Variants in PDE8B observed in about 807,000 individuals in gnomAD.
PDE8B encodes the protein phosphodiesterase 8B.
In PDE8B, 26 loss-of-function variants were observed where a neutral mutation model predicts 101.3. That is an observed-to-expected ratio of 0.26 (90% CI 0.19 to 0.36). The LOEUF (loss-of-function observed/expected upper bound fraction) is 0.36. Ranked by LOEUF, PDE8B falls within the 10% of genes least tolerant of loss-of-function variation. The pLI, the probability that PDE8B is intolerant of heterozygous loss-of-function variation, is 1.00. For missense variants in PDE8B, 810 were observed against 1,163.1 expected (o/e 0.70, Z 4.42); for synonymous variants, 424 against 429.3 (o/e 0.99, Z 0.15).
chr5:77,213,646 G>A (rs192021423), intron 1 of PDE8B, among the ~76,000 whole-genome samples: 8 of 152,172 alleles, frequency 5.3e-5, no homozygotes, highest in African/African-American at 1.7e-4. Context: ...AAGCACACAG[G>A]TGGAAAAATA....
the PDE8B span, among the ~76,000 whole-genome samples, chr5:77,125,079 C>A: frequency 4.6e-5 from 7 of 152,190 alleles, no homozygotes; most frequent in Non-Finnish European, 8.8e-5. Context: ...GCCTCAAACT[C>A]CTGGGCTGGC....
At chr5:77,342,537 A>G (rs578170964) in intron 6 of PDE8B, among the ~76,000 whole-genome samples, 1 of 152,018 alleles carries the variant, frequency 6.6e-6, no homozygotes, top group Non-Finnish European at 1.5e-5. Context: ...AAGAAAAAAC[A>G]TCAATCCAGT....
chr5:77,314,876 T>C (rs1773468067), intron 2 of PDE8B, among the ~76,000 whole-genome samples: 1 of 152,178 alleles, frequency 6.6e-6, no homozygotes, highest in Non-Finnish European at 1.5e-5. Context: ...ATTTTAGCTA[T>C]TCTGGTGGAT....
At chr5:77,314,119 A>G (rs1197413839) in intron 2 of PDE8B, among the ~76,000 whole-genome samples, 1 of 151,984 alleles carries the variant, frequency 6.6e-6, no homozygotes, top group Non-Finnish European at 1.5e-5. Context: ...ATTTTTATCT[A>G]GTTGTCTTAG....
chr5:77,363,321 CGGA>C (rs1339571804), intron 10 of PDE8B, among the ~76,000 whole-genome samples: 7 of 152,118 alleles, frequency 4.6e-5, no homozygotes, highest in African/African-American at 1.7e-4. Context: ...AGTGTATCTT[CGGA>C]GAATTCATAA....
chr5:77,107,008 C>T, the PDE8B span, among the ~76,000 whole-genome samples: 12 of 152,092 alleles, frequency 7.9e-5, no homozygotes, highest in South Asian at 2.1e-3. Flanking sequence ...CCCATTAACT[C>T]GTCATTTACA....
At chr5:77,146,902 C>T in the PDE8B span, 2 of 418,350 alleles carry the variant, frequency 4.8e-6, no homozygotes, top group Admixed American at 5.6e-5. Flanking sequence ...TGAGTATTGC[C>T]CGAAAATCAA....
intron 10 of PDE8B, among the ~76,000 whole-genome samples, chr5:77,378,459 A>T (rs1295610669): frequency 1.4e-3 from 17 of 12,120 alleles, no homozygotes; most frequent in African/African-American, 2.1e-3. Context: ...CTCCATCTAA[A>T]AAAAAAAAAA....
chr5:77,096,986 C>T, the PDE8B span, among the ~76,000 whole-genome samples: 1 of 152,220 alleles, frequency 6.6e-6, no homozygotes, highest in Non-Finnish European at 1.5e-5. Context: ...ACAAGTGTCA[C>T]ATGGTCAACT....
chr5:77,153,416 T>C, the PDE8B span, among the ~76,000 whole-genome samples: 1 of 152,192 alleles, frequency 6.6e-6, no homozygotes, highest in African/African-American at 2.4e-5. Context: ...ATAGTGTCTT[T>C]TACTTAATTT....
the PDE8B span, among the ~76,000 whole-genome samples, chr5:77,203,467 C>G: frequency 6.6e-6 from 1 of 152,204 alleles, no homozygotes; most frequent in Non-Finnish European, 1.5e-5. Context: ...GCACCTGGCA[C>G]AGTGGTGGTG....
At chr5:77,126,467 C>G in the PDE8B span, among the ~76,000 whole-genome samples, 1 of 152,028 alleles carries the variant, frequency 6.6e-6, no homozygotes, top group African/African-American at 2.4e-5. Flanking sequence ...TTTCTGTCAC[C>G]CAGGCTGGAG....
At chr5:77,221,122 C>T (rs1314678756) in intron 1 of PDE8B, among the ~76,000 whole-genome samples, 1 of 152,044 alleles carries the variant, frequency 6.6e-6, no homozygotes, top group African/African-American at 2.4e-5. Context: ...CATTATATAC[C>T]AAAAATATGA....
At chr5:77,372,863 G>A (rs1785302750) in intron 10 of PDE8B, among the ~76,000 whole-genome samples, 1 of 152,148 alleles carries the variant, frequency 6.6e-6, no homozygotes, top group East Asian at 1.9e-4. Flanking sequence ...CACCGTCTCT[G>A]CTAAAAATAC....
At chr5:77,112,655 A>C in the PDE8B span, 1 of 152,210 alleles carries the variant, frequency 6.6e-6, no homozygotes, top group Non-Finnish European at 1.5e-5. Flanking sequence ...ATAGTCTTGG[A>C]AGTTCTGGCT....
chr5:77,211,134 C>G lies in PDE8B; in HGVS notation c.209C>G (p.Ala70Gly), dbSNP rs1336803476. Residue 70 changes from alanine to glycine, a missense_variant, in exon 1 of 22, where the codon GCC becomes GGC. Ala to Gly is a moderately conservative substitution (Grantham distance 60). This residue lies in a region of PDE8B where 159 missense variants were observed against 146.6 expected (regional missense o/e 1.08). Transcript: ENST00000264917. The surrounding 1 kb of genome is among the most constrained non-coding windows in gnomAD (Gnocchi z 4.1). ...GPPSVARVRR[A>G]RTELGSGSSA... Reference sequence around the variant, plus strand: ...CCCAGCGTAGCCCGCGTCCGCAGGGCCCGCACCGAGCTGGGCAGCGGTAGC... The same window carrying G: ...CCCAGCGTAGCCCGCGTCCGCAGGGGCCGCACCGAGCTGGGCAGCGGTAGC... 6.6e-7 allele frequency: 1 copy of G among 1,522,280 alleles called. No individual in the cohort carries two copies. The highest frequency in any genetic ancestry group is 1.4e-5 in the African/African-American group (1 of 70,546). 94.3% of individuals were successfully genotyped at this position (1,522,280 alleles called of 1,614,324 possible). A position where few individuals can be genotyped will look rare whatever the true frequency, so the allele number is the denominator to read the frequency against.
At chr5:77,326,155 A>C (rs1776015226) in intron 3 of PDE8B, among the ~76,000 whole-genome samples, 1 of 152,232 alleles carries the variant, frequency 6.6e-6, no homozygotes, top group Non-Finnish European at 1.5e-5. Context: ...AGATGGGTAG[A>C]TCCCATAGCA....
intron 10 of PDE8B, among the ~76,000 whole-genome samples, chr5:77,375,664 C>G (rs746974350): frequency 6.6e-6 from 1 of 152,110 alleles, no homozygotes; most frequent in African/African-American, 2.4e-5. Flanking sequence ...AAATGCCACT[C>G]ACAGTCCATT....
chr5:77,194,665 C>G, the PDE8B span, among the ~76,000 whole-genome samples: 1 of 152,114 alleles, frequency 6.6e-6, no homozygotes, highest in Admixed American at 6.5e-5. Context: ...TTTGCCTATT[C>G]TAGATATTTC....
Sources: gnomAD v4.1 joint callset for allele counts (sites outside exome capture counted in the v4.1 genomes callset) on GRCh38, gnomAD v4.1.1 for gene constraint, gnomAD v4.1.1 regional missense constraint, Gnocchi (gnomAD v3.1) non-coding constraint, MANE v1.5 for transcripts, NCBI Gene and HGNC (gene_info 2026-07-23, HGNC 2026-07-21) for gene names.